Variants in BCAS1 observed in about 807,000 individuals in gnomAD.
The protein encoded by BCAS1 is breast carcinoma-amplified sequence 1.
Under a neutral mutation model 65.4 loss-of-function variants are expected in BCAS1, and 46 were observed. The ratio of observed to expected loss-of-function variants is 0.70; its 90% CI spans 0.55 to 0.90. The LOEUF is 0.90. BCAS1 is among the 40% of genes least tolerant of loss of function. The pLI, the probability that BCAS1 is intolerant of heterozygous loss-of-function variation, is 0.00. For missense variants in BCAS1, 793 were observed against 771.2 expected (o/e 1.03, Z -0.33); for synonymous variants, 298 against 293.5 (o/e 1.02, Z -0.16).
intron 9 of BCAS1, among the ~76,000 whole-genome samples, chr20:53,971,172 T>C (rs1036465166): frequency 6.6e-6 from 1 of 152,254 alleles, no homozygotes; most frequent in Non-Finnish European, 1.5e-5. Context: ...CCTGTGCCCA[T>C]TGATGTGTGA....
chr20:53,977,815 G>A (rs1452387392), intron 8 of BCAS1, among the ~76,000 whole-genome samples: 1 of 151,962 alleles, frequency 6.6e-6, no homozygotes, highest in African/African-American at 2.4e-5. Flanking sequence ...CACTCATTTT[G>A]GGAAATAATC....
intron 1 of BCAS1, among the ~76,000 whole-genome samples, chr20:54,064,366 A>G (rs570679609): frequency 1.3e-5 from 2 of 152,266 alleles, no homozygotes; most frequent in African/African-American, 4.8e-5. Context: ...CTAGACAACC[A>G]AACCCACGGA....
At chr20:54,002,039 G>T (rs1442170749) in intron 4 of BCAS1, among the ~76,000 whole-genome samples, 16 of 145,486 alleles carry the variant, frequency 1.1e-4, no homozygotes, top group South Asian at 2.2e-4. Flanking sequence ...CTGGTGGTTG[G>T]TTTTTTTTTT....
chr20:53,988,737 G>A (rs2145798941), intron 7 of BCAS1, among the ~76,000 whole-genome samples: 1 of 152,252 alleles, frequency 6.6e-6, no homozygotes, highest in South Asian at 2.1e-4. Context: ...ACTATCAAAT[G>A]CTACAACTTA....
chr20:54,002,142 G>A (rs1219323265), intron 4 of BCAS1, among the ~76,000 whole-genome samples: 3 of 151,938 alleles, frequency 2.0e-5, no homozygotes, highest in African/African-American at 7.3e-5. Context: ...GACCCTTGGA[G>A]TTTGCTCTCT....
At chr20:53,972,137 AATAAACTCAACCAC>A (rs2090196065) in intron 9 of BCAS1, among the ~76,000 whole-genome samples, 1 of 152,236 alleles carries the variant, frequency 6.6e-6, no homozygotes, top group Admixed American at 6.5e-5. Flanking sequence ...AATTTTAAAG[AATAAACTCAACCAC>A]ATTTTAGCCA....
chr20:54,001,180 C>A (rs995983896), intron 4 of BCAS1, among the ~76,000 whole-genome samples: 1 of 152,116 alleles, frequency 6.6e-6, no homozygotes, highest in African/African-American at 2.4e-5. Flanking sequence ...ACTGACTTTG[C>A]AAAAATTATG....
chr20:53,975,200 G>A (rs1294422455), intron 9 of BCAS1, among the ~76,000 whole-genome samples, 189 bp downstream of exon 9: 2 of 152,148 alleles, frequency 1.3e-5, no homozygotes, highest in Non-Finnish European at 2.9e-5. Context: ...GATTCAATGA[G>A]AGTTACAAAA....
intron 3 of BCAS1, among the ~76,000 whole-genome samples, chr20:54,038,736 G>A (rs754346178): frequency 5.3e-5 from 8 of 151,306 alleles, no homozygotes; most frequent in African/African-American, 1.9e-4. Flanking sequence ...ATTCACCGCC[G>A]AATCATCTCT....
intron 3 of BCAS1, among the ~76,000 whole-genome samples, chr20:54,056,501 A>G (rs2092298557): frequency 6.6e-6 from 1 of 152,154 alleles, no homozygotes; most frequent in Admixed American, 6.5e-5. Flanking sequence ...TATTGGGTAC[A>G]ATGTATACTA....
At chr20:54,049,337 G>A (rs940709086) in intron 3 of BCAS1, among the ~76,000 whole-genome samples, 25 of 152,082 alleles carry the variant, frequency 1.6e-4, no homozygotes, top group South Asian at 1.0e-3. Flanking sequence ...GGAAAATGAC[G>A]TGTCCTGGCA....
intron 4 of BCAS1, among the ~76,000 whole-genome samples, chr20:54,015,520 G>T (rs1474276270): frequency 2.0e-5 from 3 of 151,840 alleles, no homozygotes; most frequent in African/African-American, 7.3e-5. Context: ...CAAGCCCATG[G>T]CAAAAACAGG....
intron 4 of BCAS1, among the ~76,000 whole-genome samples, chr20:54,013,667 CG>C (rs749245223): frequency 3.3e-5 from 5 of 152,126 alleles, no homozygotes; most frequent in Non-Finnish European, 7.3e-5. Context: ...AGGTTAATAG[CG>C]AAAGTCTGGA....
Position 54,028,592 on chromosome 20 carries a change from G to A in BCAS1, c.523C>T (p.Pro175Ser). ...TCTCCTCCTGCTCCCCCTGTCTCAG[G>A]TGGGAGAAGCGTGGGATCCCTGGCG... ...SAARDPTLLP[P>S]ETGGAGGEAP... The change falls in exon 4 of 13, where the codon CCT becomes TCT. Residue 175 changes from proline (P) to serine (S), a missense_variant. By Grantham distance (74) the Pro-to-Ser change is moderately conservative. Coordinates refer to ENST00000688948, the MANE Select transcript of BCAS1 (RefSeq NM_001366298.2). 6.2e-7 allele frequency: 1 copy of A among 1,614,194 alleles called. No homozygotes were observed.
chr20:53,956,928 C>T (rs2089718269), intron 11 of BCAS1, among the ~76,000 whole-genome samples: 1 of 152,208 alleles, frequency 6.6e-6, no homozygotes, highest in Non-Finnish European at 1.5e-5. Flanking sequence ...CCCCCCGACT[C>T]CATGTCTTTA....
In BCAS1 at chr20:54,039,829, A is replaced by G. The variant is rs781363020; in HGVS notation, c.143-10857T>C. Among the ~76,000 whole-genome samples the G allele has an allele frequency of 7.3e-5, 11 of 151,318 alleles. 1 individual carries two copies. The highest frequency in any genetic ancestry group is 1.3e-4 in the Non-Finnish European group (9 of 67,648). On this transcript the variant is annotated intron_variant, in intron 3 of 12. Coordinates refer to ENST00000688948, the MANE Select transcript of BCAS1 (RefSeq NM_001366298.2). ...AATAACATCTGCAACCTGATGTGGC[A>G]TATTGAACTTTGTTTATACTCACAC...
intron 8 of BCAS1, among the ~76,000 whole-genome samples, chr20:53,978,516 C>A (rs57324905): frequency 0.047 from 7,118 of 152,138 alleles, 516 homozygotes; most frequent in African/African-American, 0.16. Context: ...AAAAAGAGAT[C>A]AGCAGGTGTT....
In BCAS1 at chr20:54,057,826, G is replaced by T. The variant is rs545359394; in HGVS notation, c.142+259C>A. 5.3e-5 allele frequency among the ~76,000 whole-genome samples: 8 copies of T among 152,330 alleles called. No homozygotes were observed. In the East Asian group the frequency reaches 1.3e-3, roughly 26 times the overall value. ...AGCCAATGAGAGGGGCGTGGAACAC[G>T]TTCTCCCTGATGACCCGCAGAAGGA... is the stretch of plus-strand genomic sequence containing the variant. On this transcript the variant is annotated intron_variant, in intron 3 of 12. Transcript: ENST00000688948.
chr20:53,950,479 C>A (rs1478362210), intron 12 of BCAS1, among the ~76,000 whole-genome samples: 3 of 152,166 alleles, frequency 2.0e-5, no homozygotes, highest in South Asian at 4.2e-4. Flanking sequence ...CACACCCCCC[C>A]ATCCATACTC....
Sources: gnomAD v4.1 joint callset for allele counts (sites outside exome capture counted in the v4.1 genomes callset) on GRCh38, gnomAD v4.1.1 for gene constraint, MANE v1.5 for transcripts, NCBI Gene and HGNC (gene_info 2026-07-23, HGNC 2026-07-21) for gene names.